The following SLC25A21 variants were observed in gnomAD, a reference collection of about 807,000 sequenced individuals.
The protein encoded by SLC25A21 is mitochondrial 2-oxodicarboxylate carrier.
SLC25A21 carries 47 observed loss-of-function variants against 43.8 expected under a neutral mutation model. The ratio of observed to expected loss-of-function variants is 1.07; its 90% CI spans 0.85 to 1.37. The LOEUF (loss-of-function observed/expected upper bound fraction) is 1.37, where lower values mean the gene tolerates loss of function less well. Ranked by LOEUF, SLC25A21 falls within the 40% of genes most tolerant of loss-of-function variation. The pLI is 0.00. For synonymous variants in SLC25A21, 131 were observed against 121.3 expected, an observed-to-expected ratio of 1.08 and a Z score of -0.52; for missense variants, 352 against 350.2, an observed-to-expected ratio of 1.00 and a Z score of -0.04.
intron 1 of SLC25A21, among the ~76,000 whole-genome samples, chr14:36,881,347 ATG>A (rs10578127): frequency 0.81 from 122,880 of 151,380 alleles, 51,335 homozygotes; most frequent in Non-Finnish European, 0.92. Flanking sequence ...TAAAATGTAA[ATG>A]TGTGTGTGTG....
chr14:36,704,442 A>C (rs977923534), intron 7 of SLC25A21, among the ~76,000 whole-genome samples: 12 of 152,166 alleles, frequency 7.9e-5, no homozygotes, highest in African/African-American at 2.9e-4. Context: ...GTGGATCATG[A>C]GGTCAGGAGT....
At chr14:36,904,499 C>T (rs1449300765) in intron 1 of SLC25A21, among the ~76,000 whole-genome samples, 1 of 152,124 alleles carries the variant, frequency 6.6e-6, no homozygotes, top group Non-Finnish European at 1.5e-5. Flanking sequence ...CTTGATTTTT[C>T]TCCCTCTTCA....
At chr14:36,886,663 A>G (rs1329322960) in intron 1 of SLC25A21, among the ~76,000 whole-genome samples, 2 of 152,226 alleles carry the variant, frequency 1.3e-5, no homozygotes, top group African/African-American at 4.8e-5. Flanking sequence ...GAGTTTTAAA[A>G]TAAGTGAGTT....
chr14:36,813,912 A>AC lies in SLC25A21; in HGVS notation c.203+5dup. ...ATTAAAATGGCTATATGAAGAATAT[A>AC]CATACCCTTCCATTTGGAAAATCAT... On this transcript the variant is annotated splice_donor_region_variant and intron_variant, in intron 3 of 9. Coordinates refer to ENST00000331299, the MANE Select transcript of SLC25A21 (RefSeq NM_030631.4). 1 of 1,564,596 alleles carries AC rather than the reference A, an allele frequency of 6.4e-7. No homozygotes were observed. The highest frequency in any genetic ancestry group is 1.1e-5 in the South Asian group (1 of 88,012).
chr14:36,781,980 G>A (rs1180916661), intron 3 of SLC25A21, among the ~76,000 whole-genome samples: 2 of 152,060 alleles, frequency 1.3e-5, no homozygotes, highest in African/African-American at 4.8e-5. Context: ...TTTCTCCTTC[G>A]TTTCTAAAGA....
intron 1 of SLC25A21, among the ~76,000 whole-genome samples, chr14:36,934,282 T>C (rs1892364099): frequency 6.6e-6 from 1 of 152,056 alleles, no homozygotes. Flanking sequence ...GGCGACCTCA[T>C]AGGCTTTTCT....
At chr14:36,823,084 C>G (rs1437393435) in intron 2 of SLC25A21, among the ~76,000 whole-genome samples, 1 of 152,162 alleles carries the variant, frequency 6.6e-6, no homozygotes. Context: ...ATTCCACCCT[C>G]TGGCACAAGT....
At chr14:37,126,597 T>C (rs543926310) in intron 1 of SLC25A21, among the ~76,000 whole-genome samples, 1 of 152,270 alleles carries the variant, frequency 6.6e-6, no homozygotes, top group South Asian at 2.1e-4. Context: ...TGCATAATTA[T>C]ATAATACATG....
chr14:37,040,248 A>AGGG (rs1961421260), intron 1 of SLC25A21, among the ~76,000 whole-genome samples: 4 of 2,216 alleles, frequency 1.8e-3, no homozygotes, highest in South Asian at 0.05. Flanking sequence ...GGAAGGGAGG[A>AGGG]AGGGAGGGAG....
chr14:37,162,493 C>T (rs1963962297), intron 1 of SLC25A21, among the ~76,000 whole-genome samples: 1 of 80,596 alleles, frequency 1.2e-5, no homozygotes, highest in Non-Finnish European at 2.8e-5. Flanking sequence ...CATGAACAGA[C>T]ACTTCTCAAA....
At chr14:37,129,096 G>A (rs1347521913) in intron 1 of SLC25A21, among the ~76,000 whole-genome samples, 5 of 152,172 alleles carry the variant, frequency 3.3e-5, no homozygotes, top group Non-Finnish European at 7.3e-5. Context: ...GATGCAGGAC[G>A]TTTCCATCAA....
chr14:36,692,657 A>G (rs754362557), intron 7 of SLC25A21, among the ~76,000 whole-genome samples: 1 of 152,168 alleles, frequency 6.6e-6, no homozygotes, highest in Non-Finnish European at 1.5e-5. Flanking sequence ...ATGCCAGAAG[A>G]AGGAGGTTAA....
At chr14:36,796,373 A>G (rs1164546664) in intron 3 of SLC25A21, among the ~76,000 whole-genome samples, 1 of 142,454 alleles carries the variant, frequency 7.0e-6, no homozygotes, top group African/African-American at 2.8e-5. Context: ...TTATTTATTT[A>G]TTTCTCTCTT....
At chr14:37,008,856 G>A (rs1960667468) in intron 1 of SLC25A21, among the ~76,000 whole-genome samples, 2 of 152,122 alleles carry the variant, frequency 1.3e-5, no homozygotes, top group Non-Finnish European at 2.9e-5. Flanking sequence ...AAAAGACTAC[G>A]AATGTATTTT....
chr14:36,848,205 A>G (rs1454159522), intron 2 of SLC25A21, among the ~76,000 whole-genome samples: 1 of 152,216 alleles, frequency 6.6e-6, no homozygotes, highest in Non-Finnish European at 1.5e-5. Context: ...AAAGTCAATG[A>G]TACTCTGTCT....
chr14:36,741,864 C>T (rs1051152892), intron 3 of SLC25A21, among the ~76,000 whole-genome samples: 3 of 152,166 alleles, frequency 2.0e-5, no homozygotes, highest in Admixed American at 6.5e-5. Context: ...AGCATTAACA[C>T]GTCTGTATAC....
intron 1 of SLC25A21, among the ~76,000 whole-genome samples, chr14:36,896,723 G>A (rs1891250114): frequency 6.6e-6 from 1 of 152,122 alleles, no homozygotes; most frequent in Non-Finnish European, 1.5e-5. Flanking sequence ...AGCTCTTTTA[G>A]GGCAGGCCTG....
intron 1 of SLC25A21, among the ~76,000 whole-genome samples, chr14:37,008,657 C>T (rs1295159738): frequency 1.3e-5 from 2 of 152,122 alleles, no homozygotes; most frequent in Non-Finnish European, 2.9e-5. Context: ...CAGCGATGGC[C>T]TTACAAAGAG....
chr14:36,757,613 T>A (rs1241473031), intron 3 of SLC25A21, among the ~76,000 whole-genome samples: 1 of 152,230 alleles, frequency 6.6e-6, no homozygotes, highest in Non-Finnish European at 1.5e-5. Flanking sequence ...CTCATTCCTT[T>A]TCATAGCTGT....
Sources: gnomAD v4.1 joint callset for allele counts (sites outside exome capture counted in the v4.1 genomes callset) on GRCh38, gnomAD v4.1.1 for gene constraint, MANE v1.5 for transcripts, NCBI Gene and HGNC (gene_info 2026-07-23, HGNC 2026-07-21) for gene names.